EXOC2: variants seen among roughly 807,000 people sequenced by gnomAD.
EXOC2 encodes exocyst complex component 2.
In EXOC2, 70 loss-of-function variants were observed where a neutral mutation model predicts 131.8. That is an observed-to-expected ratio of 0.53 (90% CI 0.44 to 0.65). EXOC2 has a LOEUF of 0.65. Among genes scored for constraint, EXOC2 ranks in the 30% least tolerant of loss-of-function variants. The probability of loss-of-function intolerance (pLI) is 0.00; values close to 1 mark genes in which losing one functional copy is unlikely to be tolerated. For synonymous variants in EXOC2, 411 were observed against 398.4 expected (o/e 1.03, Z -0.38); for missense variants, 923 against 1,108.6 (o/e 0.83, Z 2.38).
At chr6:625,672 T>C (rs570602639) in intron 4 of EXOC2, among the ~76,000 whole-genome samples, 8 of 152,296 alleles carry the variant, frequency 5.3e-5, no homozygotes, top group African/African-American at 1.9e-4. Flanking sequence ...TCAGTTTTCC[T>C]CTTTTAAAAT....
At chr6:552,005 T>C (rs1757168953) in intron 21 of EXOC2, among the ~76,000 whole-genome samples, 1 of 152,202 alleles carries the variant, frequency 6.6e-6, no homozygotes, top group South Asian at 2.1e-4. Flanking sequence ...CGCGCCCTGT[T>C]GGAGGAGCAC....
intron 1 of EXOC2, among the ~76,000 whole-genome samples, chr6:681,375 T>C (rs1257885338): frequency 1.3e-5 from 2 of 152,240 alleles, no homozygotes; most frequent in East Asian, 1.9e-4. Flanking sequence ...AAAAGTTTGA[T>C]ATTCTATTAC....
chr6:572,725 C>T, intron 12 of EXOC2, 81 bp from the exon 13 acceptor site: 1 of 1,513,236 alleles, frequency 6.6e-7, no homozygotes, highest in South Asian at 1.3e-5. Flanking sequence ...GCACCCCCCT[C>T]CACTCCCGCA....
chr6:623,813 C>G (rs528515456), intron 4 of EXOC2, among the ~76,000 whole-genome samples: 1 of 152,214 alleles, frequency 6.6e-6, no homozygotes, highest in South Asian at 2.1e-4. Context: ...GGTCTCCATA[C>G]TTTCAAGAAG....
intron 1 of EXOC2, among the ~76,000 whole-genome samples, chr6:664,398 A>T (rs1465987899): frequency 6.6e-6 from 1 of 151,912 alleles, no homozygotes; most frequent in Non-Finnish European, 1.5e-5. Context: ...ATTCCATGCA[A>T]TCCTACCACC....
intron 1 of EXOC2, chr6:656,158 C>G: frequency 1.2e-6 from 2 of 1,614,102 alleles, no homozygotes; most frequent in South Asian, 2.2e-5. Flanking sequence ...TGAACCAAAA[C>G]AAGCTGAAGA....
chr6:638,659 G>A (rs1447654455), intron 1 of EXOC2, among the ~76,000 whole-genome samples: 2 of 152,376 alleles, frequency 1.3e-5, no homozygotes, highest in East Asian at 3.9e-4. Flanking sequence ...TTTGCCGGGT[G>A]CGGTGGCTCA....
chr6:626,331 G>A (rs144211426), intron 4 of EXOC2, among the ~76,000 whole-genome samples: 140 of 152,244 alleles, frequency 9.2e-4, no homozygotes, highest in African/African-American at 3.1e-3. Flanking sequence ...AAAAAAGCAT[G>A]CAGCCTGGGT....
chr6:604,278 C>T (rs894085202), intron 7 of EXOC2, among the ~76,000 whole-genome samples: 2 of 152,194 alleles, frequency 1.3e-5, no homozygotes, highest in Non-Finnish European at 2.9e-5. Context: ...TGACTACTTC[C>T]TTTTCCCTAT....
rs766572562 is a variant in EXOC2, at chr6:564,149, G to T, written c.1673C>A (p.Thr558Asn). ...TTCAAGGGCAGTCAACGATTCATGA[G>T]TAAGTCTGCGAACAAACACATCCAA... ...LAHAIQTVRL[T>N]HESLTALEIP... is the part of the protein sequence containing the mutation. The change falls in exon 16 of 28, where the codon ACT becomes AAT. Residue 558 changes from threonine (T) to asparagine (N), a missense_variant. Physicochemically the swap from Thr to Asn is moderately conservative, Grantham distance 65. Transcript: ENST00000230449. 1.3e-5 allele frequency: 21 copies of T among 1,613,526 alleles called. No homozygotes were observed. In the African/African-American group the frequency reaches 1.9e-4, roughly 14 times the overall value.
At chr6:565,864 T>C (rs970816422) in intron 13 of EXOC2, among the ~76,000 whole-genome samples, 2 of 152,204 alleles carry the variant, frequency 1.3e-5, no homozygotes, top group Admixed American at 6.5e-5. Context: ...GTATAAGCTA[T>C]AAAAACTGCG....
At chr6:633,850 C>T (rs138603032) in intron 2 of EXOC2, among the ~76,000 whole-genome samples, 2 of 152,244 alleles carry the variant, frequency 1.3e-5, no homozygotes, top group African/African-American at 2.4e-5. Flanking sequence ...CCATGTAAAA[C>T]AAAATTTAGG....
intron 13 of EXOC2, among the ~76,000 whole-genome samples, chr6:566,673 T>C (rs2473492): frequency 0.3 from 45,129 of 151,954 alleles, 8,904 homozygotes; most frequent in East Asian, 0.62. Context: ...TGCAGTTTGT[T>C]AGGTCTTAGG....
At chr6:617,943 C>A in intron 5 of EXOC2, 108 bp from the exon 6 acceptor site, 1 of 1,290,980 alleles carries the variant, frequency 7.7e-7, no homozygotes, top group Non-Finnish European at 1.0e-6. Context: ...TGCTAAGTAG[C>A]ACACAGATTA....
chr6:485,853 C>G lies in EXOC2; in HGVS notation c.*818G>C, dbSNP rs1479122674. ...GCCGTCCACGCGGAGCCTGGCCTTTCCGTTAGGGGACCCTGAAGTCTGCGA... is the reference window on the plus strand; with the variant it reads ...GCCGTCCACGCGGAGCCTGGCCTTTGCGTTAGGGGACCCTGAAGTCTGCGA... On this transcript the variant is annotated 3_prime_UTR_variant, in exon 28 of 28. Transcript: ENST00000230449. The G allele has an allele frequency of 6.6e-6, 1 of 152,300 alleles. No homozygotes were observed. Among genetic ancestry groups the G allele is most frequent in the African/African-American group, 2.4e-5 (1 of 41,458 alleles). 9.4% of individuals were successfully genotyped at this position (152,300 alleles called of 1,614,324 possible). A position where few individuals can be genotyped will look rare whatever the true frequency, so the allele number is the denominator to read the frequency against.
In EXOC2 at chr6:488,837, G is replaced by A. The variant is rs543035029; in HGVS notation, c.2681+142C>T. ...GAGATGTACCTACTAACGCTATTAAGTAGGTATATCTGCTTATTCTGATTC... is the reference window on the plus strand; with the variant it reads ...GAGATGTACCTACTAACGCTATTAAATAGGTATATCTGCTTATTCTGATTC... On this transcript the variant is annotated intron_variant, in intron 27 of 27. Coordinates refer to ENST00000230449, the MANE Select transcript of EXOC2 (RefSeq NM_018303.6). 5 of 770,822 alleles carry A rather than the reference G, an allele frequency of 6.5e-6. No individual in the cohort carries two copies. In the African/African-American group the frequency reaches 7.0e-5, roughly 11 times the overall value. The allele number at this position is 770,822 out of a possible 1,614,324, so 47.7% of individuals were successfully genotyped here.
intron 21 of EXOC2, among the ~76,000 whole-genome samples, chr6:553,518 G>C (rs879354835): frequency 2.0e-5 from 3 of 152,146 alleles, no homozygotes; most frequent in Middle Eastern, 3.4e-3. Flanking sequence ...GGAGCCGTGA[G>C]GGGGTGGGCA....
At chr6:498,450 G>T (rs572833836) in intron 24 of EXOC2, among the ~76,000 whole-genome samples, 8 of 152,108 alleles carry the variant, frequency 5.3e-5, no homozygotes, top group African/African-American at 1.9e-4. Flanking sequence ...AACAAAAACA[G>T]AATTTTTATA....
chr6:568,220 C>T (rs1052407448), intron 13 of EXOC2, among the ~76,000 whole-genome samples: 7 of 152,208 alleles, frequency 4.6e-5, no homozygotes, highest in African/African-American at 1.4e-4. Context: ...GCACTGTGCA[C>T]GGCAGAACCT....
Sources: gnomAD v4.1 joint callset for allele counts (sites outside exome capture counted in the v4.1 genomes callset) on GRCh38, gnomAD v4.1.1 for gene constraint, MANE v1.5 for transcripts, NCBI Gene and HGNC (gene_info 2026-07-23, HGNC 2026-07-21) for gene names.